IRF2BPL: variants seen among roughly 807,000 people sequenced by gnomAD.
IRF2BPL encodes interferon regulatory factor 2 binding protein like, also known as probable E3 ubiquitin-protein ligase IRF2BPL.
IRF2BPL carries 13 observed loss-of-function variants against 51.2 expected under a neutral mutation model. The observed-to-expected ratio is 0.25, with a 90% confidence interval of 0.17 to 0.40. The LOEUF is 0.40. Ranked by LOEUF, IRF2BPL falls within the 10% of genes least tolerant of loss-of-function variation. The pLI is 1.00. For missense variants in IRF2BPL, 1,210 were observed against 1,111.8 expected (o/e 1.09, Z -1.26); for synonymous variants, 768 against 509.2 (o/e 1.51, Z -6.84).
Position 77,025,999 on chromosome 14 carries a change from C to T in IRF2BPL, c.1794G>A (p.Pro598=), listed in dbSNP as rs759321843. The change falls in exon 1 of 1, where the codon CCG becomes CCA. Residue 598 remains proline, a synonymous_variant. Transcript: ENST00000238647. ...AATGGGGTCCCAGAGGTGGGGGCGG[C>T]GGAGGCGGACCCCCCGCCGCGTGCC... The part of the protein sequence containing the change: ...APGHAAGGPP[P]PPPPLGPHSN... The T allele has an allele frequency of 1.3e-6, 2 of 1,569,990 alleles. No individual in the cohort carries two copies. Among genetic ancestry groups the T allele is most frequent in the African/African-American group, 1.4e-5 (1 of 73,810 alleles).
At position 77,025,492 on chromosome 14, in the gene IRF2BPL, G is replaced by A. The variant is rs760939648; in HGVS notation, c.2301C>T (p.Val767=). The A allele has an allele frequency of 3.1e-6, 5 of 1,613,420 alleles. No individual in the cohort carries two copies. The South Asian group carries it at 4.4e-5, about 14-fold the overall frequency. ...TGAAGGCCCAAGGTACATTCGACCCGACTAGGGGGCATTTCTCTCCGCTGG... is the reference window on the plus strand; with the variant it reads ...TGAAGGCCCAAGGTACATTCGACCCAACTAGGGGGCATTTCTCTCCGCTGG... ...YCPSGEKCPL[V]GSNVPWAFMQ... The change falls in exon 1 of 1, where the codon GTC becomes GTT. Residue 767 remains valine (V), a synonymous_variant. Transcript: ENST00000238647.
rs1885197237 is a variant in IRF2BPL, at chr14:77,027,717, T to C, written c.76A>G (p.Met26Val). The C allele has an allele frequency of 1.9e-6, 3 of 1,608,418 alleles. No homozygotes were observed. Among genetic ancestry groups the C allele is most frequent in the Non-Finnish European group, 2.5e-6 (3 of 1,177,900 alleles). Residue 26 changes from methionine (M) to valine (V), a missense_variant, in exon 1 of 1, where the codon ATG (methionine) becomes GTG (valine). By Grantham distance (21) the Met-to-Val change is conservative. Transcript: ENST00000238647. ...LCDLPRMPWA[M>V]IWDFSEPVCR... is the part of the protein sequence containing the mutation. ...ACGGGTTCCGAGAAGTCCCAGATCA[T>C]GGCCCAGGGCATGCGGGGCAGGTCG... is the stretch of plus-strand genomic sequence containing the variant.
rs756179471 is a variant in IRF2BPL at position 77,027,324 on chromosome 14, C to T, written c.469G>A (p.Ala157Thr). 5 of 1,533,242 alleles carry T rather than the reference C, an allele frequency of 3.3e-6. No individual in the cohort carries two copies. The East Asian group carries it at 7.5e-5, about 23-fold the overall frequency. 95.0% of individuals were successfully genotyped at this position (1,533,242 alleles called of 1,614,324 possible). A position where few individuals can be genotyped will look rare whatever the true frequency, so the allele number is the denominator to read the frequency against. ...ERYGLSAAAAAAAAAAAAVEQ... is the reference protein window; with the variant it reads ...ERYGLSAAAATAAAAAAAVEQ... ...ACCGCAGCGGCGGCGGCGGCGGCGGCGGCGGCGGCAGCGCTTAGGCCGTAG... is the reference window on the plus strand; with the variant it reads ...ACCGCAGCGGCGGCGGCGGCGGCGGTGGCGGCGGCAGCGCTTAGGCCGTAG... Residue 157 changes from alanine (A) to threonine (T), a missense_variant, in exon 1 of 1, where the codon GCC becomes ACC. Transcript: ENST00000238647.
In IRF2BPL at chr14:77,027,000, G is replaced by T; in HGVS notation, c.793C>A (p.Pro265Thr). ...NLLPQTLLNG[P>T]ASAAVLPPPP... Reference sequence around the variant, plus strand: ...GGGGGGAGTACCGCAGCGCTGGCCGGGCCGTTAAGCAGCGTCTGCGGTAGC... The same window carrying T: ...GGGGGGAGTACCGCAGCGCTGGCCGTGCCGTTAAGCAGCGTCTGCGGTAGC... Residue 265 changes from proline (P) to threonine (T), a missense_variant, in exon 1 of 1, where the codon CCG (proline) becomes ACG (threonine). Transcript: ENST00000238647. The T allele has an allele frequency of 6.6e-7, 1 of 1,504,164 alleles. No individual in the cohort carries two copies. The highest frequency in any genetic ancestry group is 8.9e-7 in the Non-Finnish European group (1 of 1,127,442). The allele number at this position is 1,504,164 out of a possible 1,614,324, so 93.2% of individuals were successfully genotyped here. A position where few individuals can be genotyped will look rare whatever the true frequency, so the allele number is the denominator to read the frequency against.
rs530419849 is a variant in IRF2BPL, at chr14:77,025,257, A to G, written c.*145T>C. 4 of 533,726 alleles carry G rather than the reference A, an allele frequency of 7.5e-6. No homozygotes were observed. Among genetic ancestry groups the G allele is most frequent in the South Asian group, 6.3e-5 (2 of 31,694 alleles). The allele number at this position is 533,726 out of a possible 1,614,324, so 33.1% of individuals were successfully genotyped here. On this transcript the variant is annotated 3_prime_UTR_variant, in exon 1 of 1. Coordinates refer to ENST00000238647, the MANE Select transcript of IRF2BPL (RefSeq NM_024496.4). ...CATACGACGAAAATAATGTCTATACATAAGACTAACTTTTTGCAGTTTCGT... is the reference window on the plus strand; with the variant it reads ...CATACGACGAAAATAATGTCTATACGTAAGACTAACTTTTTGCAGTTTCGT...
Position 77,025,805 on chromosome 14 carries a change from G to A in IRF2BPL, c.1988C>T (p.Pro663Leu). ...GCGGCGCTGCCCCGGCACGGAGGCC[G>A]GCGAGACTGGGCTGCTGCTGTTTCG... is the stretch of plus-strand genomic sequence containing the variant. ...ARRNSSSPVS[P>L]ASVPGQRRLA... is the part of the protein sequence containing the mutation. Residue 663 changes from proline (P) to leucine (L), a missense_variant, in exon 1 of 1, where the codon CCG becomes CTG. Coordinates refer to ENST00000238647, the MANE Select transcript of IRF2BPL (RefSeq NM_024496.4). The A allele has an allele frequency of 6.2e-7, 1 of 1,611,750 alleles. No individual in the cohort carries two copies. The highest frequency in any genetic ancestry group is 2.2e-5 in the East Asian group (1 of 44,850).
Position 77,026,157 on chromosome 14 carries a change from C to T in IRF2BPL, c.1636G>A (p.Ala546Thr). The change falls in exon 1 of 1, where the codon GCC becomes ACC. Residue 546 changes from alanine (A) to threonine (T), a missense_variant. By Grantham distance (58) the Ala-to-Thr change is moderately conservative. Coordinates refer to ENST00000238647, the MANE Select transcript of IRF2BPL (RefSeq NM_024496.4). Reference protein sequence around the residue: ...GAAASLRKRKASPEPPDSAEG... With the variant: ...GAAASLRKRKTSPEPPDSAEG... The stretch of plus-strand genomic sequence containing the variant: ...GCTGAGTCCGGGGGCTCCGGAGAGG[C>T]CTTTCTCTTGCGCAGGCTGGCGGCT... 5 of 1,508,502 alleles carry T rather than the reference C, an allele frequency of 3.3e-6. No individual in the cohort carries two copies. The highest frequency in any genetic ancestry group is 4.4e-6 in the Non-Finnish European group (5 of 1,138,732). 93.4% of individuals were successfully genotyped at this position (1,508,502 alleles called of 1,614,324 possible). A position where few individuals can be genotyped will look rare whatever the true frequency, so the allele number is the denominator to read the frequency against.
At position 77,027,277 on chromosome 14, in the gene IRF2BPL, C is replaced by T. The variant is rs376679449; in HGVS notation, c.516G>A (p.Glu172=). 6.3e-7 allele frequency: 1 copy of T among 1,578,852 alleles called. No individual in the cohort carries two copies. The highest frequency in any genetic ancestry group is 8.6e-7 in the Non-Finnish European group (1 of 1,167,840). ...AAAVEQRSRF[E]YPPPPVSLGS... Reference sequence around the variant, plus strand: ...CCAGGCTCACCGGCGGTGGCGGGTACTCGAAGCGGCTGCGCTGTTCCACCG... The same window carrying T: ...CCAGGCTCACCGGCGGTGGCGGGTATTCGAAGCGGCTGCGCTGTTCCACCG... Residue 172 remains glutamate (E), a synonymous_variant, in exon 1 of 1, where the codon GAG becomes GAA. Coordinates refer to ENST00000238647, the MANE Select transcript of IRF2BPL (RefSeq NM_024496.4).
rs1483674129 is a variant in IRF2BPL at position 77,025,776 on chromosome 14, C to A, written c.2017G>T (p.Ala673Ser). The change falls in exon 1 of 1, where the codon GCA (alanine) becomes TCA (serine). Residue 673 changes from alanine to serine, a missense_variant. Ala to Ser is a moderately conservative substitution (Grantham distance 99). Transcript: ENST00000238647. The part of the protein sequence containing the change: ...PASVPGQRRL[A>S]SRNGDLNLQV... ...AAATTCAGGTCCCCGTTACGTGATGCCAAGCGGCGCTGCCCCGGCACGGAG... is the reference window on the plus strand; with the variant it reads ...AAATTCAGGTCCCCGTTACGTGATGACAAGCGGCGCTGCCCCGGCACGGAG... 1.2e-6 allele frequency: 2 copies of A among 1,607,450 alleles called. No individual in the cohort carries two copies. Among genetic ancestry groups the A allele is most frequent in the Non-Finnish European group, 1.7e-6 (2 of 1,176,722 alleles).
chr14:77,026,925 G>C lies in IRF2BPL; in HGVS notation c.868C>G (p.Pro290Ala), dbSNP rs577768441. 6.8e-7 allele frequency: 1 copy of C among 1,478,468 alleles called. No homozygotes were observed. Among genetic ancestry groups the C allele is most frequent in the Non-Finnish European group, 9.0e-7 (1 of 1,115,652 alleles). 91.6% of individuals were successfully genotyped at this position (1,478,468 alleles called of 1,614,324 possible). A position where few individuals can be genotyped will look rare whatever the true frequency, so the allele number is the denominator to read the frequency against. Reference sequence around the variant, plus strand: ...CAAGCGGGGCCCCCAGGAGCCCCTGGGGGAGCAGGCGTCGGGGGCCCACGG... The same window carrying C: ...CAAGCGGGGCCCCCAGGAGCCCCTGCGGGAGCAGGCGTCGGGGGCCCACGG... ...GSRGPPTPAPPGAPGGPACLG... is the reference protein window; with the variant it reads ...GSRGPPTPAPAGAPGGPACLG... The change falls in exon 1 of 1, where the codon CCA becomes GCA. Residue 290 changes from proline (P) to alanine (A), a missense_variant. By Grantham distance (27) the Pro-to-Ala change is conservative. Transcript: ENST00000238647.
rs1298219845 is a variant in IRF2BPL at position 77,025,877 on chromosome 14, G to A, written c.1916C>T (p.Ser639Leu). 6.2e-7 allele frequency: 1 copy of A among 1,612,332 alleles called. No homozygotes were observed. The highest frequency in any genetic ancestry group is 8.5e-7 in the Non-Finnish European group (1 of 1,179,762). Reference sequence around the variant, plus strand: ...GTGCACGGAACTGCCATCCTTGGGCGAGTGCGCTGTGCCCAGAGTATCTGC... The same window carrying A: ...GTGCACGGAACTGCCATCCTTGGGCAAGTGCGCTGTGCCCAGAGTATCTGC... ...SVADTLGTAH[S>L]PKDGSSVHST... Residue 639 changes from serine (S) to leucine (L), a missense_variant, in exon 1 of 1, where the codon TCG becomes TTG. Coordinates refer to ENST00000238647, the MANE Select transcript of IRF2BPL (RefSeq NM_024496.4).
rs751106341 is a variant in IRF2BPL, at chr14:77,027,032, G to A, written c.761C>T (p.Pro254Leu). Reference protein sequence around the residue: ...GGGGPQLTVPPNLLPQTLLNG... With the variant: ...GGGGPQLTVPLNLLPQTLLNG... ...AAGCAGCGTCTGCGGTAGCAGGTTG[G>A]GGGGCACGGTGAGCTGGGGGCCTCC... is the stretch of plus-strand genomic sequence containing the variant. Residue 254 changes from proline (P) to leucine (L), a missense_variant, in exon 1 of 1, where the codon CCC (proline) becomes CTC (leucine). Physicochemically the swap from Pro to Leu is moderately conservative, Grantham distance 98 (BLOSUM62 -3). Coordinates refer to ENST00000238647, the MANE Select transcript of IRF2BPL (RefSeq NM_024496.4). 2.6e-6 allele frequency: 4 copies of A among 1,542,408 alleles called. No homozygotes were observed. Among genetic ancestry groups the A allele is most frequent in the Non-Finnish European group, 1.7e-6 (2 of 1,145,708 alleles).
chr14:77,026,284 G>A lies in IRF2BPL; in HGVS notation c.1509C>T (p.Ser503=), dbSNP rs1277462916. 1.2e-5 allele frequency: 18 copies of A among 1,515,814 alleles called. No homozygotes were observed. The South Asian group carries it at 2.2e-4, about 19-fold the overall frequency. 93.9% of individuals were successfully genotyped at this position (1,515,814 alleles called of 1,614,324 possible). The change falls in exon 1 of 1, where the codon AGC becomes AGT. Residue 503 remains serine, a synonymous_variant. Transcript: ENST00000238647. The part of the protein sequence containing the change: ...DMLPQPYLDA[S]CPMLPTALVS... Reference sequence around the variant, plus strand: ...CCAGAGCAGTGGGCAGCATGGGACAGCTGGCGTCCAGGTAGGGCTGGGGCA... The same window carrying A: ...CCAGAGCAGTGGGCAGCATGGGACAACTGGCGTCCAGGTAGGGCTGGGGCA...
At position 77,025,583 on chromosome 14, in the gene IRF2BPL, T is replaced by C. The variant is rs1318221185; in HGVS notation, c.2210A>G (p.Lys737Arg). The C allele has an allele frequency of 2.5e-6, 4 of 1,608,076 alleles. No individual in the cohort carries two copies. Among genetic ancestry groups the C allele is most frequent in the Non-Finnish European group, 3.4e-6 (4 of 1,177,230 alleles). Residue 737 changes from lysine to arginine, a missense_variant, in exon 1 of 1, where the codon AAA becomes AGA. Coordinates refer to ENST00000238647, the MANE Select transcript of IRF2BPL (RefSeq NM_024496.4). ...CTCTCTAGAGCAAGGGAAGCAAAAT[T>C]TGTGGCTGGGGACGGAAGGGCACTG... Reference protein sequence around the residue: ...FVQCPSVPSHKFCFPCSRESI... With the variant: ...FVQCPSVPSHRFCFPCSRESI...
In IRF2BPL at chr14:77,027,900, G is replaced by T; in HGVS notation, c.-108C>A. 1 of 1,320,976 alleles carries T rather than the reference G, an allele frequency of 7.6e-7. No individual in the cohort carries two copies. The highest frequency in any genetic ancestry group is 1.5e-5 in the African/African-American group (1 of 65,310). 81.8% of individuals were successfully genotyped at this position (1,320,976 alleles called of 1,614,324 possible). ...AGGGAGTCCGACTGCGGGGGAGGGA[G>T]GAGGGGGGGCGAGAAAGTTCTGCCC... On this transcript the variant is annotated 5_prime_UTR_variant, in exon 1 of 1. Coordinates refer to ENST00000238647, the MANE Select transcript of IRF2BPL (RefSeq NM_024496.4).
rs1566786194 is a variant in IRF2BPL at position 77,026,819 on chromosome 14, ACGC to A, written c.971_973del (p.Gly324del). On this transcript the variant is annotated inframe_deletion, in exon 1 of 1. Coordinates refer to ENST00000238647, the MANE Select transcript of IRF2BPL (RefSeq NM_024496.4). ...GCCGGGCCTCTTACCACCAGCACCC[ACGC>A]CCACCTCTGCCACCGACGAAGAGGT... 6.2e-7 allele frequency: 1 copy of A among 1,612,170 alleles called. No individual in the cohort carries two copies. Among genetic ancestry groups the A allele is most frequent in the South Asian group, 1.1e-5 (1 of 90,988 alleles).
Position 77,028,626 on chromosome 14 carries a change from G to A in IRF2BPL, c.-834C>T, listed in dbSNP as rs1885242570. On this transcript the variant is annotated 5_prime_UTR_variant, in exon 1 of 1. Coordinates refer to ENST00000238647, the MANE Select transcript of IRF2BPL (RefSeq NM_024496.4). Reference sequence around the variant, plus strand: ...TTCCCGCTCGTGCTCACGCTCGCCCGGAATGTGGGGTTGTGATTGTTACTC... The same window carrying A: ...TTCCCGCTCGTGCTCACGCTCGCCCAGAATGTGGGGTTGTGATTGTTACTC... The A allele has an allele frequency of 2.6e-6, 1 of 386,568 alleles. No individual in the cohort carries two copies. Among genetic ancestry groups the A allele is most frequent in the East Asian group, 3.7e-5 (1 of 27,180 alleles). The allele number at this position is 386,568 out of a possible 1,614,324, so 23.9% of individuals were successfully genotyped here.
In IRF2BPL at chr14:77,028,358, C is replaced by T. The variant is rs1015592287; in HGVS notation, c.-566G>A. ...CCCGGAGGACCGGGGGAGGGGGTGGCAGCCGAGAAAGGACCTTCTCCCCTC... is the reference window on the plus strand; with the variant it reads ...CCCGGAGGACCGGGGGAGGGGGTGGTAGCCGAGAAAGGACCTTCTCCCCTC... On this transcript the variant is annotated 5_prime_UTR_variant, in exon 1 of 1. Transcript: ENST00000238647. 4 of 256,554 alleles carry T rather than the reference C, an allele frequency of 1.6e-5. No homozygotes were observed. The Admixed American group carries it at 1.7e-4, about 11-fold the overall frequency. The allele number at this position is 256,554 out of a possible 1,614,324, so 15.9% of individuals were successfully genotyped here.
rs11287198 is a variant in IRF2BPL at position 77,024,972 on chromosome 14, C to CAAA, written c.*427_*429dup. Reference sequence around the variant, plus strand: ...TTTTAGGCAGCAACACTGGCCTTGGCAAAAAAAAAAAAAAAAAAAAAAAAG... The same window carrying CAAA: ...TTTTAGGCAGCAACACTGGCCTTGGCAAAAAAAAAAAAAAAAAAAAAAAAAAAG... On this transcript the variant is annotated 3_prime_UTR_variant, in exon 1 of 1. Coordinates refer to ENST00000238647, the MANE Select transcript of IRF2BPL (RefSeq NM_024496.4). 7.3e-4 allele frequency: 3 copies of CAAA among 4,090 alleles called. No individual in the cohort carries two copies. The highest frequency in any genetic ancestry group is 4.5e-3 in the Admixed American group (1 of 224). 0.3% of individuals were successfully genotyped at this position (4,090 alleles called of 1,614,324 possible). A position where few individuals can be genotyped will look rare whatever the true frequency, so the allele number is the denominator to read the frequency against.
Sources: allele counts gnomAD v4.1 joint callset, GRCh38; gene constraint gnomAD v4.1.1; transcripts MANE v1.5; gene names NCBI Gene and HGNC (gene_info 2026-07-23, HGNC 2026-07-21).